The following DAZAP1 variants were observed in gnomAD, a reference collection of about 807,000 sequenced individuals.
DAZAP1 encodes DAZ associated protein 1.
In DAZAP1, 6 loss-of-function variants were observed where a neutral mutation model predicts 60.1. The observed-to-expected ratio is 0.10, with a 90% CI of 0.05 to 0.20. The LOEUF is 0.20. DAZAP1 is among the 10% of genes least tolerant of loss of function. The pLI is 1.00. For synonymous variants in DAZAP1, 235 were observed against 215.9 expected, an observed-to-expected ratio of 1.09 and a Z score of -0.78; for missense variants, 366 against 560.4, an observed-to-expected ratio of 0.65 and a Z score of 3.50.
At chr19:1,424,466 C>T (rs981321595) in intron 6 of DAZAP1, among the ~76,000 whole-genome samples, 4 of 151,390 alleles carry the variant, frequency 2.6e-5, no homozygotes, top group Admixed American at 2.6e-4. Flanking sequence ...TGACCTTTGT[C>T]CCCTCACAGT....
chr19:1,422,099 C>T lies in DAZAP1; in HGVS notation c.415-249C>T, dbSNP rs963278889. Reference sequence around the variant, plus strand: ...CACGTGAGCGGGGCCACGGGCAGCCCGGAGGCGGGTATCCAGACGCCTGCC... The same window carrying T: ...CACGTGAGCGGGGCCACGGGCAGCCTGGAGGCGGGTATCCAGACGCCTGCC... On this transcript the variant is annotated intron_variant, in intron 5 of 11. Transcript: ENST00000233078. This position sits in a 1 kb window ranked among gnomAD's most constrained non-coding sequence, Gnocchi z 4.5. Among the ~76,000 whole-genome samples, 12 of 152,238 alleles carry T rather than the reference C, an allele frequency of 7.9e-5. No individual in the cohort carries two copies. Among genetic ancestry groups the T allele is most frequent in the Admixed American group, 5.9e-4 (9 of 15,286 alleles).
chr19:1,423,048 G>A lies in DAZAP1; in HGVS notation c.463+652G>A, dbSNP rs567655483. Among the ~76,000 whole-genome samples the A allele has an allele frequency of 2.5e-4, 36 of 145,606 alleles. No homozygotes were observed. The South Asian group carries it at 8.1e-3, about 33-fold the overall frequency. On this transcript the variant is annotated intron_variant, in intron 6 of 11. Transcript: ENST00000233078. The surrounding 1 kb of genome is among the most constrained non-coding windows in gnomAD (Gnocchi z 6.8). The stretch of plus-strand genomic sequence containing the variant: ...GTGGCTGCTGCTGTCTGTCCCGCCC[G>A]CCCGCATGGTTTTGGTTCATCAGCT...
In DAZAP1 at chr19:1,428,562, G is replaced by A. The variant is rs1249199414; in HGVS notation, c.547-280G>A. 1.4e-5 allele frequency: 5 copies of A among 369,736 alleles called. No homozygotes were observed. The highest frequency in any genetic ancestry group is 2.4e-5 in the Non-Finnish European group (5 of 204,952). The allele number at this position is 369,736 out of a possible 1,614,324, so 22.9% of individuals were successfully genotyped here. A position where few individuals can be genotyped will look rare whatever the true frequency, so the allele number is the denominator to read the frequency against. The stretch of plus-strand genomic sequence containing the variant: ...CCTTCGTCACGCACGAAACCCCCGA[G>A]GGCTCTGGGCTCGGTCCTGCTGCCC... On this transcript the variant is annotated intron_variant, in intron 7 of 11. Coordinates refer to ENST00000233078, the MANE Select transcript of DAZAP1 (RefSeq NM_018959.4). The surrounding 1 kb of genome is among the most constrained non-coding windows in gnomAD (Gnocchi z 4.0).
At position 1,422,045 on chromosome 19, in the gene DAZAP1, G is replaced by A. The variant is rs180745658; in HGVS notation, c.415-303G>A. ...TCCCCTGCTAGGATGCGTGGTCGGC[G>A]TTGTTGGCCCTTCATGTCCGTCAGC... On this transcript the variant is annotated intron_variant, in intron 5 of 11. Transcript: ENST00000233078. This position sits in a 1 kb window ranked among gnomAD's most constrained non-coding sequence, Gnocchi z 4.5. Among the ~76,000 whole-genome samples the A allele has an allele frequency of 2.4e-3, 366 of 152,324 alleles. 7 individuals are homozygous for A. The highest frequency in any genetic ancestry group is 0.018 in the South Asian group (89 of 4,824).
In DAZAP1 at chr19:1,430,256, CCCCCCGCCA is replaced by C; in HGVS notation, c.771_779del (p.Pro259_Pro261del). ...GACCGCCCCCTGCAGGAAGAGGAGCCCCCCCGCCACCCCCACCGTTCACCTCCTACATCG... is the reference window on the plus strand; with the variant it reads ...GACCGCCCCCTGCAGGAAGAGGAGCCCCCCCACCGTTCACCTCCTACATCG... On this transcript the variant is annotated inframe_deletion, in exon 10 of 12. Coordinates refer to ENST00000233078, the MANE Select transcript of DAZAP1 (RefSeq NM_018959.4). The C allele has an allele frequency of 1.8e-6, 2 of 1,088,728 alleles. No homozygotes were observed. The highest frequency in any genetic ancestry group is 2.7e-6 in the Non-Finnish European group (2 of 735,500). 67.4% of individuals were successfully genotyped at this position (1,088,728 alleles called of 1,614,324 possible).
At chr19:1,420,126 G>T (rs1311510062) in intron 4 of DAZAP1, among the ~76,000 whole-genome samples, 1 of 98,562 alleles carries the variant, frequency 1.0e-5, no homozygotes, top group Non-Finnish European at 2.0e-5. Context: ...AAACCATCCC[G>T]AACGTCACGG....
rs546023770 is a variant in DAZAP1, at chr19:1,417,960, A to G, written c.71-244A>G. 8.5e-5 allele frequency among the ~76,000 whole-genome samples: 13 copies of G among 152,322 alleles called. No homozygotes were observed. In the South Asian group the frequency reaches 2.1e-3, roughly 24 times the overall value. On this transcript the variant is annotated intron_variant, in intron 2 of 11. Coordinates refer to ENST00000233078, the MANE Select transcript of DAZAP1 (RefSeq NM_018959.4). Reference sequence around the variant, plus strand: ...TTAAACGTTGCCTTCCTGGACGCCTACAAAGTCAGGTTGTAACCGCTGGCC... The same window carrying G: ...TTAAACGTTGCCTTCCTGGACGCCTGCAAAGTCAGGTTGTAACCGCTGGCC...
chr19:1,430,186 GCTCT>G, intron 9 of DAZAP1, 32 bp from the exon 10 acceptor site: 1 of 1,581,954 alleles, frequency 6.3e-7, no homozygotes, highest in Non-Finnish European at 8.6e-7. Flanking sequence ...GTTGTCCAGC[GCTCT>G]CTGTCCATCA....
chr19:1,416,252 T>C lies in DAZAP1; in HGVS notation c.30-1248T>C, dbSNP rs1355209303. ...TGCTGAAAGCCGAAGCCAAGGGTGG[T>C]GTGGTTGGCCGTCAGGGATACAGGG... On this transcript the variant is annotated intron_variant, in intron 1 of 11. Transcript: ENST00000233078. This position sits in a 1 kb window ranked among gnomAD's most constrained non-coding sequence, Gnocchi z 4.3. The C allele has an allele frequency of 1.3e-5, 2 of 152,178 alleles. No homozygotes were observed. The highest frequency in any genetic ancestry group is 2.9e-5 in the Non-Finnish European group (2 of 68,048). The allele number at this position is 152,178 out of a possible 1,614,324, so 9.4% of individuals were successfully genotyped here.
In DAZAP1 at chr19:1,432,887, T is replaced by TC. The variant is rs2083490017; in HGVS notation, c.1048+198dup. On this transcript the variant is annotated intron_variant, in intron 11 of 11. Transcript: ENST00000233078. The surrounding 1 kb of genome is among the most constrained non-coding windows in gnomAD (Gnocchi z 4.9). ...GGTCCAGCAGAAGGGAGCGTGGGAGTCTTGTCGCAGCAGAGCACTCGTCAT... is the reference window on the plus strand; with the variant it reads ...GGTCCAGCAGAAGGGAGCGTGGGAGTCCTTGTCGCAGCAGAGCACTCGTCAT... 1 of 603,876 alleles carries TC rather than the reference T, an allele frequency of 1.7e-6. No homozygotes were observed. The highest frequency in any genetic ancestry group is 2.9e-6 in the Non-Finnish European group (1 of 348,562). 37.4% of individuals were successfully genotyped at this position (603,876 alleles called of 1,614,324 possible). A position where few individuals can be genotyped will look rare whatever the true frequency, so the allele number is the denominator to read the frequency against.
intron 5 of DAZAP1, among the ~76,000 whole-genome samples, chr19:1,421,761 C>T (rs1005196144): frequency 1.3e-5 from 2 of 152,192 alleles, no homozygotes; most frequent in African/African-American, 4.8e-5. Context: ...GGGACTCCTG[C>T]CGTGCCCCGC....
intron 1 of DAZAP1, among the ~76,000 whole-genome samples, chr19:1,414,033 T>TGTGTGTGTGTG (rs2082904814): frequency 1.4e-5 from 1 of 73,674 alleles, no homozygotes; most frequent in African/African-American, 5.9e-5. Flanking sequence ...GTGTGTGTGT[T>TGTGTGTGTGTG]TAGATGGACC....
chr19:1,421,822 T>G (rs1438571194), intron 5 of DAZAP1, among the ~76,000 whole-genome samples: 2 of 152,192 alleles, frequency 1.3e-5, no homozygotes, highest in African/African-American at 4.8e-5. Flanking sequence ...GCCTGAGTAC[T>G]GCGCACGTTC....
chr19:1,434,015 A>G lies in DAZAP1; in HGVS notation c.1049-722A>G, dbSNP rs2083527579. On this transcript the variant is annotated intron_variant, in intron 11 of 11. Coordinates refer to ENST00000233078, the MANE Select transcript of DAZAP1 (RefSeq NM_018959.4). The surrounding 1 kb of genome is among the most constrained non-coding windows in gnomAD (Gnocchi z 8.0). ...GATCCCCCAGAGAGAGCCCACGCCC[A>G]CCTGTGCCCACGTGCACCCGAATGG... 5.0e-6 allele frequency: 3 copies of G among 602,842 alleles called. No homozygotes were observed. In the Admixed American group the frequency reaches 8.9e-5, roughly 18 times the overall value. 37.3% of individuals were successfully genotyped at this position (602,842 alleles called of 1,614,324 possible). A position where few individuals can be genotyped will look rare whatever the true frequency, so the allele number is the denominator to read the frequency against.
At chr19:1,424,489 T>C (rs1290461578) in intron 6 of DAZAP1, among the ~76,000 whole-genome samples, 1 of 151,316 alleles carries the variant, frequency 6.6e-6, no homozygotes, top group African/African-American at 2.4e-5. Context: ...GAGCTGCCCT[T>C]TCTGCCCCGT....
intron 1 of DAZAP1, among the ~76,000 whole-genome samples, chr19:1,414,566 G>A (rs567731533): frequency 1.2e-3 from 185 of 151,792 alleles, no homozygotes; most frequent in African/African-American, 4.1e-3. Flanking sequence ...CCAATATGGT[G>A]AAACCCCGTC....
intron 1 of DAZAP1, among the ~76,000 whole-genome samples, chr19:1,408,032 G>A (rs1291553595): frequency 6.6e-6 from 1 of 151,486 alleles, no homozygotes; most frequent in African/African-American, 2.4e-5. Context: ...TCCCGTCCTG[G>A]GGGATCCTGA....
chr19:1,419,490 G>A (rs1405288126), intron 4 of DAZAP1, among the ~76,000 whole-genome samples: 1 of 152,124 alleles, frequency 6.6e-6, no homozygotes, highest in Non-Finnish European at 1.5e-5. Flanking sequence ...CTAAAATGAC[G>A]GCCACCCCTC....
rs1175547419 is a variant in DAZAP1 at position 1,423,557 on chromosome 19, G to A, written c.463+1161G>A. Among the ~76,000 whole-genome samples the A allele has an allele frequency of 1.3e-5, 2 of 152,202 alleles. No homozygotes were observed. The highest frequency in any genetic ancestry group is 1.9e-4 in the East Asian group (1 of 5,200). On this transcript the variant is annotated intron_variant, in intron 6 of 11. Coordinates refer to ENST00000233078, the MANE Select transcript of DAZAP1 (RefSeq NM_018959.4). This position sits in a 1 kb window ranked among gnomAD's most constrained non-coding sequence, Gnocchi z 6.8. ...GTCCCGCTTCCTCAGTGGTGATGTC[G>A]CCTCTTGACAGCCGCATTCCTAGAC...
Sources: gnomAD v4.1 joint callset for allele counts (sites outside exome capture counted in the v4.1 genomes callset) on GRCh38, gnomAD v4.1.1 for gene constraint, Gnocchi (gnomAD v3.1) non-coding constraint, MANE v1.5 for transcripts, NCBI Gene and HGNC (gene_info 2026-07-23, HGNC 2026-07-21) for gene names.